Variants in SYN3 observed in about 807,000 individuals in gnomAD.
SYN3 encodes synapsin III.
In SYN3, 35 loss-of-function variants were observed where a neutral mutation model predicts 65.8. The observed-to-expected ratio is 0.53, with a 90% CI of 0.41 to 0.70. SYN3 has a LOEUF of 0.70. SYN3 is among the 30% of genes least tolerant of loss of function. SYN3 has a pLI of 0.00. For missense variants in SYN3, 680 were observed against 749.0 expected (o/e 0.91, Z 1.08); for synonymous variants, 270 against 292.9 (o/e 0.92, Z 0.80).
intron 6 of SYN3, among the ~76,000 whole-genome samples, chr22:32,777,631 A>C (rs1266318008): frequency 6.6e-6 from 1 of 152,232 alleles, no homozygotes; most frequent in Non-Finnish European, 1.5e-5. Context: ...TGGGATATAA[A>C]GAATATCCCC....
At chr22:32,619,482 T>G (rs1314574603) in intron 6 of SYN3, among the ~76,000 whole-genome samples, 4 of 152,166 alleles carry the variant, frequency 2.6e-5, no homozygotes, top group African/African-American at 9.7e-5. Context: ...GAGGAATAAA[T>G]GTGAACATTC....
intron 1 of SYN3, among the ~76,000 whole-genome samples, chr22:33,056,125 G>T (rs1272837596): frequency 1.3e-5 from 2 of 152,164 alleles, no homozygotes; most frequent in African/African-American, 2.4e-5. Context: ...TGGACAACTA[G>T]AAGAGAATGT....
chr22:32,998,575 G>A (rs1268605854), intron 2 of SYN3, among the ~76,000 whole-genome samples: 1 of 152,030 alleles, frequency 6.6e-6, no homozygotes, highest in Non-Finnish European at 1.5e-5. Flanking sequence ...GGACCGCAGT[G>A]ACCTGGGGAG....
At chr22:33,041,291 TTTC>T (rs2053959749) in intron 1 of SYN3, among the ~76,000 whole-genome samples, 1 of 134,744 alleles carries the variant, frequency 7.4e-6, no homozygotes, top group South Asian at 2.4e-4. Context: ...CTAGGAACTC[TTTC>T]TTTTTTTTTT....
rs1015835911 is a variant in SYN3, at chr22:32,791,721, G to A, written c.711+73194C>T. ...AGTGACATAATCTCTGTGTACCTTAGTTTTCACTGCGGATGTGAAAAGGGA... is the reference window on the plus strand; with the variant it reads ...AGTGACATAATCTCTGTGTACCTTAATTTTCACTGCGGATGTGAAAAGGGA... On this transcript the variant is annotated intron_variant, in intron 6 of 13. Transcript: ENST00000358763. 3.3e-5 allele frequency among the ~76,000 whole-genome samples: 5 copies of A among 151,872 alleles called. No homozygotes were observed. The East Asian group carries it at 5.9e-4, about 18-fold the overall frequency.
At position 32,512,723 on chromosome 22, in the gene SYN3, T is replaced by C. The variant is rs942656156; in HGVS notation, c.*969A>G. On this transcript the variant is annotated 3_prime_UTR_variant, in exon 14 of 14. Coordinates refer to ENST00000358763, the MANE Select transcript of SYN3 (RefSeq NM_003490.4). ...CTACCAATACCTTGCTGTACAGAGTTTGTGAAATGCCAAACTAGAAGTGAC... is the reference window on the plus strand; with the variant it reads ...CTACCAATACCTTGCTGTACAGAGTCTGTGAAATGCCAAACTAGAAGTGAC... 5 of 152,230 alleles carry C rather than the reference T, an allele frequency of 3.3e-5. No homozygotes were observed. The highest frequency in any genetic ancestry group is 9.6e-5 in the African/African-American group (4 of 41,462). 9.4% of individuals were successfully genotyped at this position (152,230 alleles called of 1,614,324 possible).
rs2054287087 is a variant in SYN3 at position 33,058,367 on chromosome 22, G to C, written c.-238C>G. On this transcript the variant is annotated 5_prime_UTR_variant, in exon 1 of 14. Coordinates refer to ENST00000358763, the MANE Select transcript of SYN3 (RefSeq NM_003490.4). ...CGCCAGTCGATCCGCTCCGGGTCCC[G>C]GGAGCTCAGCCTCTGCCCCTCAACG... The C allele has an allele frequency of 6.6e-6, 1 of 151,402 alleles. No homozygotes were observed. Among genetic ancestry groups the C allele is most frequent in the Admixed American group, 6.6e-5 (1 of 15,186 alleles). 9.4% of individuals were successfully genotyped at this position (151,402 alleles called of 1,614,324 possible).
At chr22:32,782,404 G>T (rs1457519769) in intron 6 of SYN3, among the ~76,000 whole-genome samples, 1 of 151,826 alleles carries the variant, frequency 6.6e-6, no homozygotes, top group Non-Finnish European at 1.5e-5. Context: ...GCTTCACCAT[G>T]ATGACCAGGC....
At chr22:32,852,330 GT>G (rs2048242473) in intron 6 of SYN3, among the ~76,000 whole-genome samples, 1 of 152,166 alleles carries the variant, frequency 6.6e-6, no homozygotes, top group South Asian at 2.1e-4. Context: ...CACTCCATAT[GT>G]TTTTAGTTCC....
At chr22:33,001,479 GA>G (rs1243737388) in intron 2 of SYN3, among the ~76,000 whole-genome samples, 1 of 152,212 alleles carries the variant, frequency 6.6e-6, no homozygotes. Flanking sequence ...GACCTACAGG[GA>G]AGAGTGACCA....
At chr22:32,638,433 G>A (rs1193112130) in intron 6 of SYN3, among the ~76,000 whole-genome samples, 2 of 152,216 alleles carry the variant, frequency 1.3e-5, no homozygotes, top group Non-Finnish European at 2.9e-5. Context: ...CACAGACAGT[G>A]TATAAACATT....
chr22:32,780,991 T>TTCCTTCCTTC (rs2046043216), intron 6 of SYN3, among the ~76,000 whole-genome samples: 1 of 130,202 alleles, frequency 7.7e-6, no homozygotes. Flanking sequence ...CCTTCCTTCC[T>TTCCTTCCTTC]CTCTCTCACC....
chr22:32,790,582 A>C (rs1020442291), intron 6 of SYN3, among the ~76,000 whole-genome samples: 3 of 151,940 alleles, frequency 2.0e-5, no homozygotes, highest in African/African-American at 7.2e-5. Context: ...CGTGCTACCA[A>C]GCTTGGCTAA....
intron 12 of SYN3, among the ~76,000 whole-genome samples, chr22:32,523,794 C>G (rs2057930573): frequency 6.6e-6 from 1 of 152,182 alleles, no homozygotes; most frequent in Admixed American, 6.5e-5. Context: ...CCAAGACAAG[C>G]TGAAAATTAG....
rs1026179658 is a variant in SYN3, at chr22:32,560,888, G to A, written c.775-19175C>T. ...AGGGACAGTGGCTTGAACGAGGGTG[G>A]TACATTCTAGAAATATTTTAAAAGT... is the stretch of plus-strand genomic sequence containing the variant. On this transcript the variant is annotated intron_variant, in intron 7 of 13. Coordinates refer to ENST00000358763, the MANE Select transcript of SYN3 (RefSeq NM_003490.4). Among the ~76,000 whole-genome samples the A allele has an allele frequency of 4.6e-5, 7 of 152,284 alleles. No homozygotes were observed. In the East Asian group the frequency reaches 1.4e-3, roughly 29 times the overall value.
chr22:32,548,066 T>C (rs2058359888), intron 7 of SYN3, among the ~76,000 whole-genome samples: 1 of 152,220 alleles, frequency 6.6e-6, no homozygotes, highest in African/African-American at 2.4e-5. Context: ...CCCTTCACCA[T>C]CATGAAACGC....
At chr22:32,556,804 G>GTTTTTTTT (rs1555895619) in intron 7 of SYN3, among the ~76,000 whole-genome samples, 1 of 43,888 alleles carries the variant, frequency 2.3e-5, no homozygotes, top group Non-Finnish European at 4.1e-5. Context: ...AGGTTTCCTG[G>GTTTTTTTT]TTTTTTTTTT....
At chr22:32,523,391 C>T (rs1277985216) in intron 12 of SYN3, among the ~76,000 whole-genome samples, 2 of 152,076 alleles carry the variant, frequency 1.3e-5, no homozygotes, top group Admixed American at 6.6e-5. Context: ...CATGCACCTG[C>T]AGTCCCAGCT....
intron 6 of SYN3, among the ~76,000 whole-genome samples, chr22:32,633,045 C>CAAAT (rs2059767716): frequency 6.6e-6 from 1 of 152,198 alleles, no homozygotes; most frequent in Non-Finnish European, 1.5e-5. Context: ...TGACGTTAGG[C>CAAAT]AAATTACTTC....
Sources: gnomAD v4.1 joint callset for allele counts (sites outside exome capture counted in the v4.1 genomes callset) on GRCh38, gnomAD v4.1.1 for gene constraint, MANE v1.5 for transcripts, NCBI Gene and HGNC (gene_info 2026-07-23, HGNC 2026-07-21) for gene names.